Variants in TMEM131 observed in about 807,000 individuals in gnomAD.
The protein encoded by TMEM131 is transmembrane protein 131.
Under a neutral mutation model 211.6 loss-of-function variants are expected in TMEM131, and 66 were observed. The ratio of observed to expected loss-of-function variants is 0.31; its 90% CI spans 0.26 to 0.38. The LOEUF (loss-of-function observed/expected upper bound fraction) is 0.38. Among genes scored for constraint, TMEM131 ranks in the 10% least tolerant of loss-of-function variants. The pLI is 1.00. For missense variants in TMEM131, 2,036 were observed against 2,299.3 expected (o/e 0.89, Z 2.34); for synonymous variants, 844 against 841.3 (o/e 1.00, Z -0.06).
intron 15 of TMEM131, 48 bp downstream of exon 15, chr2:97,813,923 T>TA: frequency 7.1e-7 from 1 of 1,414,630 alleles, no homozygotes; most frequent in Non-Finnish European, 9.6e-7. Flanking sequence ...CTGAAAACAT[T>TA]AAAGGTGGGC....
chr2:97,766,720 CT>C, intron 33 of TMEM131, 118 bp from the exon 34 acceptor site: 1 of 1,274,246 alleles, frequency 7.8e-7, no homozygotes, highest in Non-Finnish European at 1.1e-6. Context: ...ATGTGGCTTC[CT>C]GGGGCGTTAT....
chr2:97,811,266 C>G (rs1405427777), intron 17 of TMEM131, 34 bp from the exon 18 acceptor site: 1 of 1,532,726 alleles, frequency 6.5e-7, no homozygotes, highest in Non-Finnish European at 9.0e-7. Flanking sequence ...ATTCATTAGC[C>G]TTGTTAGTTG....
Position 97,833,446 on chromosome 2 carries a change from GA to G in TMEM131, c.1013-21del. 3 of 1,174,230 alleles carry G rather than the reference GA, an allele frequency of 2.6e-6. No homozygotes were observed. Among genetic ancestry groups the G allele is most frequent in the Admixed American group, 2.5e-5 (1 of 39,220 alleles). The allele number at this position is 1,174,230 out of a possible 1,614,324, so 72.7% of individuals were successfully genotyped here. The stretch of plus-strand genomic sequence containing the variant: ...GTAGATCTGTTAAAATTGAGGAAAA[GA>G]AATATTTCTTAAAAAGGTGCTTTTT... On this transcript the variant is annotated intron_variant, in intron 10 of 40. Transcript: ENST00000186436.
chr2:97,868,581 C>G (rs145133352), intron 4 of TMEM131, among the ~76,000 whole-genome samples: 1,818 of 152,240 alleles, frequency 0.012, 40 homozygotes, highest in African/African-American at 0.041. Flanking sequence ...AGTTTCTCTG[C>G]TTTACCCAGG....
intron 1 of TMEM131, among the ~76,000 whole-genome samples, chr2:97,989,961 G>A (rs1680189227): frequency 6.6e-6 from 1 of 152,210 alleles, no homozygotes; most frequent in Non-Finnish European, 1.5e-5. Context: ...ATGGAAGTCT[G>A]CGAGAGATTT....
At chr2:97,961,900 GC>G (rs1210584841) in intron 1 of TMEM131, among the ~76,000 whole-genome samples, 2 of 152,144 alleles carry the variant, frequency 1.3e-5, no homozygotes, top group Non-Finnish European at 2.9e-5. Context: ...CAAAAAGCAT[GC>G]TTTTGTGTTC....
In TMEM131 at chr2:97,874,241, C is replaced by T. The variant is rs138189078; in HGVS notation, c.359+13811G>A. ...GGACTATGTGAAAAGACCAAATCTA[C>T]GTTTGATTGGTGTACCTGAAAGTGA... On this transcript the variant is annotated intron_variant, in intron 4 of 40. Transcript: ENST00000186436. Among the ~76,000 whole-genome samples the T allele has an allele frequency of 3.2e-3, 485 of 152,256 alleles. 7 individuals carry two copies. The East Asian group carries it at 0.04, about 13-fold the overall frequency.
Position 97,792,940 on chromosome 2 carries a change from C to A in TMEM131, c.3590G>T (p.Cys1197Phe). 6.2e-7 allele frequency: 1 copy of A among 1,608,920 alleles called. No homozygotes were observed. The highest frequency in any genetic ancestry group is 8.5e-7 in the Non-Finnish European group (1 of 1,178,354). ...SCDPGHSRGFCGAGGSSSRPS... is the reference protein window; with the variant it reads ...SCDPGHSRGFFGAGGSSSRPS... ...TCGGGATGATGAACCGCCTGCTCCACAGAACCCCCTACTGTGACCGGGGTC... is the reference window on the plus strand; with the variant it reads ...TCGGGATGATGAACCGCCTGCTCCAAAGAACCCCCTACTGTGACCGGGGTC... The change falls in exon 31 of 41, where the codon TGT becomes TTT. Residue 1197 changes from cysteine (C) to phenylalanine (F), a missense_variant. This residue lies in a region of TMEM131 where 1,623 missense variants were observed against 1,805.9 expected (regional missense o/e 0.90). Coordinates refer to ENST00000186436, the MANE Select transcript of TMEM131 (RefSeq NM_015348.2).
intron 1 of TMEM131, among the ~76,000 whole-genome samples, chr2:97,979,080 A>G (rs1679672425): frequency 6.6e-6 from 1 of 152,232 alleles, no homozygotes; most frequent in Non-Finnish European, 1.5e-5. Flanking sequence ...CTTTTTAACA[A>G]GCAGTAATAT....
chr2:97,995,436 T>G (rs1198664462), intron 1 of TMEM131, 40 bp downstream of exon 1: 2 of 1,323,752 alleles, frequency 1.5e-6, no homozygotes, highest in Admixed American at 7.8e-5. Flanking sequence ...GAGAGCGGGG[T>G]GACAGCCCCG....
chr2:97,962,303 AC>A (rs1267000157), intron 1 of TMEM131, among the ~76,000 whole-genome samples: 1 of 152,170 alleles, frequency 6.6e-6, no homozygotes, highest in East Asian at 1.9e-4. Flanking sequence ...GGAGATTGAG[AC>A]CATCCTGGCC....
intron 31 of TMEM131, among the ~76,000 whole-genome samples, chr2:97,777,807 C>A (rs1425101270): frequency 6.6e-6 from 1 of 151,978 alleles, no homozygotes; most frequent in Non-Finnish European, 1.5e-5. Context: ...AGAGCAAGAC[C>A]CTGCCTCAAA....
intron 4 of TMEM131, among the ~76,000 whole-genome samples, 175 bp from the exon 5 acceptor site, chr2:97,859,602 T>C (rs1673983376): frequency 6.6e-6 from 1 of 152,248 alleles, no homozygotes; most frequent in Non-Finnish European, 1.5e-5. Context: ...TCAATAAATA[T>C]TTCCTGAGTG....
At chr2:97,802,931 T>C (rs1681104067) in intron 22 of TMEM131, 141 bp from the exon 23 acceptor site, 1 of 710,484 alleles carries the variant, frequency 1.4e-6, no homozygotes, top group Non-Finnish European at 2.3e-6. Context: ...AATATTTTAC[T>C]ATGCTTGTAA....
intron 28 of TMEM131, 62 bp downstream of exon 28, chr2:97,796,156 T>TAAAG: frequency 1.0e-6 from 1 of 995,584 alleles, no homozygotes; most frequent in Non-Finnish European, 1.4e-6. Context: ...TATGAAAACA[T>TAAAG]ATCTTTGCAC....
At position 97,820,250 on chromosome 2, in the gene TMEM131, T is replaced by G. The variant is rs1562294; in HGVS notation, c.1075-1529A>C. Among the ~76,000 whole-genome samples the G allele has an allele frequency of 1.5e-3, 230 of 152,344 alleles. 3 individuals are homozygous for G. The East Asian group carries it at 0.034, about 22-fold the overall frequency. The stretch of plus-strand genomic sequence containing the variant: ...TGGGAATGATTTGTTCATGTAATAT[T>G]TTTACTTATCAATAAGTTTGCTGTT... On this transcript the variant is annotated intron_variant, in intron 11 of 40. Coordinates refer to ENST00000186436, the MANE Select transcript of TMEM131 (RefSeq NM_015348.2).
intron 4 of TMEM131, among the ~76,000 whole-genome samples, chr2:97,865,271 G>A (rs1358507500): frequency 6.6e-6 from 1 of 152,214 alleles, no homozygotes; most frequent in East Asian, 1.9e-4. Flanking sequence ...ACAATGTTGT[G>A]ATAGATTGTA....
At chr2:97,954,943 A>T (rs562304790) in intron 1 of TMEM131, among the ~76,000 whole-genome samples, 22 of 152,158 alleles carry the variant, frequency 1.4e-4, no homozygotes, top group African/African-American at 4.8e-4. Context: ...AATCTAGTTT[A>T]AAAAAACAAA....
intron 1 of TMEM131, among the ~76,000 whole-genome samples, chr2:97,963,355 C>G (rs1425268054): frequency 1.3e-5 from 2 of 152,152 alleles, no homozygotes; most frequent in African/African-American, 2.4e-5. Flanking sequence ...AGAAAAGGAG[C>G]TTTACTAATT....
Sources: allele counts gnomAD v4.1 joint callset (sites outside exome capture counted in the v4.1 genomes callset), GRCh38; gene constraint gnomAD v4.1.1; regional missense constraint gnomAD v4.1.1; transcripts MANE v1.5; gene names NCBI Gene and HGNC (gene_info 2026-07-23, HGNC 2026-07-21).